MGA: variants seen among roughly 807,000 people sequenced by gnomAD.
MGA encodes the protein MAX dimerization protein MGA, also known as MAX gene-associated protein.
Under a neutral mutation model 261.1 loss-of-function variants are expected in MGA, and 40 were observed. The observed-to-expected ratio is 0.15, with a 90% CI of 0.12 to 0.20. The LOEUF is 0.20. MGA is among the 10% of genes least tolerant of loss of function. The probability of loss-of-function intolerance (pLI) is 1.00; values close to 1 mark genes in which losing one functional copy is unlikely to be tolerated. For synonymous variants in MGA, 1,302 were observed against 1,290.6 expected (o/e 1.01, Z -0.19); for missense variants, 3,397 against 3,630.5 (o/e 0.94, Z 1.65).
At chr15:41,727,448 C>A in intron 10 of MGA, 42 bp downstream of exon 10, 5 of 1,560,980 alleles carry the variant, frequency 3.2e-6, no homozygotes, top group South Asian at 2.3e-5. Context: ...TTACCAAAGT[C>A]ATGTGTAAAG....
chr15:41,667,419 T>A (rs1384173683), intron 1 of MGA, among the ~76,000 whole-genome samples: 1 of 152,096 alleles, frequency 6.6e-6, no homozygotes, highest in African/African-American at 2.4e-5. Flanking sequence ...CTAATTTTTT[T>A]ATTTTTAGTA....
intron 2 of MGA, among the ~76,000 whole-genome samples, chr15:41,673,717 A>G (rs2058213982): frequency 6.7e-6 from 1 of 149,098 alleles, no homozygotes; most frequent in Non-Finnish European, 1.5e-5. Flanking sequence ...TAAGTTTTGT[A>G]TTTTTAGTAG....
At chr15:41,662,003 T>G (rs571419620) in intron 1 of MGA, among the ~76,000 whole-genome samples, 1 of 152,172 alleles carries the variant, frequency 6.6e-6, no homozygotes, top group African/African-American at 2.4e-5. Flanking sequence ...CCTTTGCAGT[T>G]GAAAAGCGGC....
intron 9 of MGA, among the ~76,000 whole-genome samples, chr15:41,721,297 ATC>A (rs1340316744): frequency 6.6e-6 from 1 of 152,072 alleles, no homozygotes; most frequent in Non-Finnish European, 1.5e-5. Flanking sequence ...GTGAAACCCC[ATC>A]TCTACCAAAA....
rs2058037996 is a variant in MGA at position 41,671,159 on chromosome 15, T to C, written c.1064+1201T>C. ...CTGTAATCATGAGTTGTCTATACAA[T>C]CAGTATTCCGTGGAGGCTGCAGCTG... On this transcript the variant is annotated intron_variant, in intron 2 of 23. Coordinates refer to ENST00000219905, the MANE Select transcript of MGA (RefSeq NM_001164273.2). 3.3e-5 allele frequency among the ~76,000 whole-genome samples: 5 copies of C among 152,154 alleles called. No homozygotes were observed. The South Asian group carries it at 1.0e-3, about 31-fold the overall frequency.
intron 1 of MGA, among the ~76,000 whole-genome samples, chr15:41,635,522 C>CG (rs570567121): frequency 2.6e-5 from 4 of 151,936 alleles, no homozygotes; most frequent in East Asian, 3.9e-4. Flanking sequence ...GAGACCCCCC[C>CG]CCTCCTATAA....
chr15:41,630,669 T>C (rs529922956), intron 1 of MGA, among the ~76,000 whole-genome samples: 131 of 152,356 alleles, frequency 8.6e-4, no homozygotes, highest in Admixed American at 2.9e-3. Context: ...TCTCTAGGGC[T>C]GAATAATGCT....
chr15:41,662,558 C>T (rs1303268546), intron 1 of MGA, among the ~76,000 whole-genome samples: 1 of 152,064 alleles, frequency 6.6e-6, no homozygotes, highest in African/African-American at 2.4e-5. Context: ...ATGGCAAGTA[C>T]CATTTATTAA....
At chr15:41,707,642 C>A in intron 5 of MGA, 86 bp from the exon 6 acceptor site, 3 of 1,305,608 alleles carry the variant, frequency 2.3e-6, no homozygotes, top group Admixed American at 2.8e-5. Flanking sequence ...CCCCCGCCAT[C>A]TCCCAGGCAC....
intron 2 of MGA, among the ~76,000 whole-genome samples, chr15:41,693,867 A>G (rs2059414976): frequency 6.6e-6 from 1 of 152,198 alleles, no homozygotes; most frequent in African/African-American, 2.4e-5. Context: ...AAATTCAGTA[A>G]TAAAAGTAAT....
At chr15:41,656,322 T>C (rs373383429), upstream of MGA, among the ~76,000 whole-genome samples, 75 of 102,612 alleles carry the variant, frequency 7.3e-4, no homozygotes, top group Non-Finnish European at 8.3e-4. Flanking sequence ...TGGTGTTTCT[T>C]TCTCTCTCTC....
chr15:41,683,576 A>G (rs988023306), intron 2 of MGA, among the ~76,000 whole-genome samples: 4 of 126,914 alleles, frequency 3.2e-5, no homozygotes, highest in East Asian at 4.6e-4. Context: ...TGAATCCCCA[A>G]TTTTTTTTTT....
intron 2 of MGA, among the ~76,000 whole-genome samples, chr15:41,694,036 TG>T (rs772416224): frequency 2.0e-5 from 3 of 152,134 alleles, no homozygotes; most frequent in Admixed American, 6.5e-5. Context: ...AACTGTTTAG[TG>T]TAACTTTTCT....
At chr15:41,672,508 C>T (rs899704716) in intron 2 of MGA, among the ~76,000 whole-genome samples, 4 of 152,208 alleles carry the variant, frequency 2.6e-5, no homozygotes, top group African/African-American at 7.2e-5. Context: ...ATGGTTAAGC[C>T]TTTGATTTTA....
rs2063383697 is a variant in MGA, at chr15:41,760,335, C to T, written c.7204C>T (p.Pro2402Ser). 6.2e-7 allele frequency: 1 copy of T among 1,613,900 alleles called. No homozygotes were observed. ...CTTGTTTGGACAGGCTCCACCAATT[C>T]CTCTAAAACTGAAGCCTGATTACTG... Residue 2402 changes from proline (P) to serine (S), a missense_variant, in exon 20 of 24, where the codon CCT becomes TCT. Around this residue, in one of 9 missense-constraint regions of MGA, gnomAD observed 1,410 missense variants for 1,386.4 expected, o/e 1.02. Transcript: ENST00000219905.
rs774382647 is a variant in MGA, at chr15:41,736,586, G to T, written c.4322G>T (p.Arg1441Met). 6 of 1,613,910 alleles carry T rather than the reference G, an allele frequency of 3.7e-6. No individual in the cohort carries two copies. Among genetic ancestry groups the T allele is most frequent in the Non-Finnish European group, 5.1e-6 (6 of 1,179,908 alleles). Residue 1441 changes from arginine (R) to methionine (M), a missense_variant, in exon 13 of 24, where the codon AGG becomes ATG. Transcript: ENST00000219905. ...CAGACAGATGCCCTGGATTCAGTGA[G>T]GGAGAGATTACATGGAGGCAAAGGT...
chr15:41,737,515 CTTAATTATATTTTT>C (rs1231868347), intron 13 of MGA, among the ~76,000 whole-genome samples: 1 of 151,974 alleles, frequency 6.6e-6, no homozygotes, highest in Non-Finnish European at 1.5e-5. Flanking sequence ...GCCATATTTA[CTTAATTATATTTTT>C]TCTTTATTTG....
At position 41,748,727 on chromosome 15, in the gene MGA, A is replaced by G; in HGVS notation, c.5303A>G (p.Gln1768Arg). 1 of 1,614,004 alleles carries G rather than the reference A, an allele frequency of 6.2e-7. No homozygotes were observed. The highest frequency in any genetic ancestry group is 1.1e-5 in the South Asian group (1 of 91,090). ...CCTCGATTGTTGTTGATTCCAGTGC[A>G]GCAGGGTTCTCCTACTCTTAGACCT... is the stretch of plus-strand genomic sequence containing the variant. Residue 1768 changes from glutamine to arginine, a missense_variant, in exon 16 of 24, where the codon CAG becomes CGG. By Grantham distance (43) the Gln-to-Arg change is conservative. This residue lies in a region of MGA where 1,410 missense variants were observed against 1,386.4 expected (regional missense o/e 1.02). Coordinates refer to ENST00000219905, the MANE Select transcript of MGA (RefSeq NM_001164273.2).
In MGA at chr15:41,697,526, C is replaced by T. The variant is rs1429921734; in HGVS notation, c.2013+503C>T. On this transcript the variant is annotated intron_variant, in intron 3 of 23. Coordinates refer to ENST00000219905, the MANE Select transcript of MGA (RefSeq NM_001164273.2). The stretch of plus-strand genomic sequence containing the variant: ...CCGTCTCCCGAGTTCAAGCCATTCT[C>T]GTGCCCCAGCCTCACGAGTAGCTGG... 2.6e-5 allele frequency among the ~76,000 whole-genome samples: 4 copies of T among 151,292 alleles called. No individual in the cohort carries two copies. In the South Asian group the frequency reaches 6.3e-4, roughly 24 times the overall value.
Sources: gnomAD v4.1 joint callset for allele counts (sites outside exome capture counted in the v4.1 genomes callset) on GRCh38, gnomAD v4.1.1 for gene constraint, gnomAD v4.1.1 regional missense constraint, MANE v1.5 for transcripts, NCBI Gene and HGNC (gene_info 2026-07-23, HGNC 2026-07-21) for gene names.